The following PDE7A variants were observed in gnomAD, a reference collection of about 807,000 sequenced individuals.
PDE7A encodes the protein high affinity 3',5'-cyclic-AMP phosphodiesterase 7A.
Under a neutral mutation model 64.3 loss-of-function variants are expected in PDE7A, and 39 were observed. The observed-to-expected ratio is 0.61, with a 90% confidence interval of 0.47 to 0.79. The LOEUF (loss-of-function observed/expected upper bound fraction) is 0.79. PDE7A is among the 30% of genes least tolerant of loss of function. PDE7A has a pLI of 0.00. For missense variants in PDE7A, 470 were observed against 582.8 expected, an observed-to-expected ratio of 0.81 and a Z score of 1.99; for synonymous variants, 203 against 206.8, an observed-to-expected ratio of 0.98 and a Z score of 0.16.
At chr8:65,729,082 G>A (rs1251993908) in intron 7 of PDE7A, among the ~76,000 whole-genome samples, 1 of 152,020 alleles carries the variant, frequency 6.6e-6, no homozygotes, top group East Asian at 1.9e-4. Flanking sequence ...ACTTTTTAAG[G>A]TGGATTAAAA....
intron 3 of PDE7A, chr8:65,771,216 C>A: frequency 6.3e-6 from 1 of 159,438 alleles, no homozygotes; most frequent in Non-Finnish European, 1.4e-5. Context: ...TAATATAAAC[C>A]CAAACGTTGC....
At chr8:65,840,826 T>A (rs1811061771) in intron 1 of PDE7A, among the ~76,000 whole-genome samples, 1 of 152,224 alleles carries the variant, frequency 6.6e-6, no homozygotes, top group African/African-American at 2.4e-5. Context: ...TGATACCCAG[T>A]ACAGCCCAGC....
At chr8:65,774,135 G>A (rs1169018108) in intron 3 of PDE7A, among the ~76,000 whole-genome samples, 3 of 152,066 alleles carry the variant, frequency 2.0e-5, no homozygotes, top group Non-Finnish European at 2.9e-5. Context: ...TTCTATCCTG[G>A]AAGCAACCAA....
chr8:65,756,015 A>T (rs1585878354), intron 3 of PDE7A, among the ~76,000 whole-genome samples: 1 of 152,234 alleles, frequency 6.6e-6, no homozygotes, highest in Non-Finnish European at 1.5e-5. Flanking sequence ...TTCTTCAAGG[A>T]TAGTTTTGCC....
Position 65,812,741 on chromosome 8 carries a change from A to G in PDE7A, c.138+28630T>C, listed in dbSNP as rs140795984. Reference sequence around the variant, plus strand: ...AGATACGTATTTTTGAAAAATACAAATGCTATTAACATAAAAACATGCATA... The same window carrying G: ...AGATACGTATTTTTGAAAAATACAAGTGCTATTAACATAAAAACATGCATA... On this transcript the variant is annotated intron_variant, in intron 1 of 12. Transcript: ENST00000401827. Among the ~76,000 whole-genome samples, 891 of 152,342 alleles carry G rather than the reference A, an allele frequency of 5.8e-3. 9 individuals carry two copies. Among genetic ancestry groups the G allele is most frequent in the African/African-American group, 0.02 (842 of 41,572 alleles).
intron 7 of PDE7A, among the ~76,000 whole-genome samples, chr8:65,729,716 C>A (rs1325140550): frequency 1.3e-5 from 2 of 151,098 alleles, no homozygotes; most frequent in South Asian, 4.2e-4. Flanking sequence ...GCGCCTACCA[C>A]CATGCCTGAC....
At chr8:65,770,066 ACT>A (rs1180594047) in intron 3 of PDE7A, among the ~76,000 whole-genome samples, 1 of 150,724 alleles carries the variant, frequency 6.6e-6, no homozygotes. Context: ...TATAAAGAAC[ACT>A]CTATTCTCAG....
chr8:65,816,855 T>C lies in PDE7A; in HGVS notation c.138+24516A>G, dbSNP rs546774461. On this transcript the variant is annotated intron_variant, in intron 1 of 12. Transcript: ENST00000401827. Reference sequence around the variant, plus strand: ...ATCCTAGTCACATTCACTGACCTTCTGGATGTGTAGTTTAATGTTTTTCAT... The same window carrying C: ...ATCCTAGTCACATTCACTGACCTTCCGGATGTGTAGTTTAATGTTTTTCAT... Among the ~76,000 whole-genome samples, 3 of 152,358 alleles carry C rather than the reference T, an allele frequency of 2.0e-5. No homozygotes were observed. The South Asian group carries it at 6.2e-4, about 32-fold the overall frequency.
At chr8:65,810,689 A>G (rs1263476876) in intron 1 of PDE7A, among the ~76,000 whole-genome samples, 1 of 152,190 alleles carries the variant, frequency 6.6e-6, no homozygotes, top group African/African-American at 2.4e-5. Context: ...TGAAAAACTT[A>G]AAGTATCTCA....
chr8:65,724,397 G>C (rs1806523398), intron 10 of PDE7A, 46 bp from the exon 11 acceptor site: 1 of 1,286,804 alleles, frequency 7.8e-7, no homozygotes, highest in African/African-American at 1.5e-5. Flanking sequence ...ATACACACTT[G>C]ACAATAATAC....
chr8:65,745,086 T>G (rs1392913700), intron 5 of PDE7A, among the ~76,000 whole-genome samples: 3 of 152,226 alleles, frequency 2.0e-5, no homozygotes, highest in Non-Finnish European at 4.4e-5. Flanking sequence ...CGAGATCTGA[T>G]GATTTCATAA....
At chr8:65,733,643 G>A (rs911080213) in intron 7 of PDE7A, among the ~76,000 whole-genome samples, 2 of 152,078 alleles carry the variant, frequency 1.3e-5, no homozygotes, top group Admixed American at 1.3e-4. Context: ...ACAGTTGGGT[G>A]GTTGGGAGTA....
intron 3 of PDE7A, among the ~76,000 whole-genome samples, chr8:65,754,679 C>A: frequency 6.7e-6 from 1 of 149,350 alleles, no homozygotes; most frequent in African/African-American, 2.4e-5. Context: ...TTTAATTCTT[C>A]CATTAGGCTG....
chr8:65,729,013 C>A (rs1053419114), intron 7 of PDE7A, among the ~76,000 whole-genome samples: 1 of 151,130 alleles, frequency 6.6e-6, no homozygotes, highest in Non-Finnish European at 1.5e-5. Context: ...TAAAAAAAAA[C>A]CTTTCATCAG....
At chr8:65,739,716 G>A in intron 5 of PDE7A, 119 bp from the exon 6 acceptor site, 6 of 1,102,080 alleles carry the variant, frequency 5.4e-6, no homozygotes, top group Non-Finnish European at 7.0e-6. Flanking sequence ...CCCACTTTTT[G>A]TCTATCAAAA....
intron 1 of PDE7A, among the ~76,000 whole-genome samples, chr8:65,800,085 G>C (rs938217921): frequency 1.4e-4 from 17 of 118,778 alleles, no homozygotes; most frequent in Admixed American, 5.5e-4. Context: ...AAGCTCCAGA[G>C]ATGTTTGCTT....
At chr8:65,753,945 T>C (rs2095358675) in intron 3 of PDE7A, among the ~76,000 whole-genome samples, 1 of 152,088 alleles carries the variant, frequency 6.6e-6, no homozygotes, top group Non-Finnish European at 1.5e-5. Flanking sequence ...TCACCCCAGA[T>C]CTCTTTTGGT....
chr8:65,820,898 T>C (rs1219866328), intron 1 of PDE7A, among the ~76,000 whole-genome samples: 1 of 152,216 alleles, frequency 6.6e-6, no homozygotes, highest in East Asian at 1.9e-4. Context: ...CTGAAATTGT[T>C]GATTTAAACA....
chr8:65,817,954 G>A (rs1350187178), intron 1 of PDE7A, among the ~76,000 whole-genome samples: 3 of 151,866 alleles, frequency 2.0e-5, no homozygotes, highest in Non-Finnish European at 4.4e-5. Context: ...GGGTTTCACC[G>A]TGTTAGCCAA....
Sources: gnomAD v4.1 joint callset for allele counts (sites outside exome capture counted in the v4.1 genomes callset) on GRCh38, gnomAD v4.1.1 for gene constraint, MANE v1.5 for transcripts, NCBI Gene and HGNC (gene_info 2026-07-23, HGNC 2026-07-21) for gene names.